PTPRN2: variants seen among roughly 807,000 people sequenced by gnomAD.
PTPRN2 encodes the protein protein tyrosine phosphatase receptor type N2, also known as receptor-type tyrosine-protein phosphatase N2.
PTPRN2 carries 74 observed loss-of-function variants against 118.8 expected under a neutral mutation model. The ratio of observed to expected loss-of-function variants is 0.62; its 90% CI spans 0.52 to 0.76. The LOEUF (loss-of-function observed/expected upper bound fraction) is 0.76. PTPRN2 is among the 30% of genes least tolerant of loss of function. The probability of loss-of-function intolerance (pLI) is 0.00; values close to 1 mark genes in which losing one functional copy is unlikely to be tolerated. For synonymous variants in PTPRN2, 641 were observed against 608.0 expected, an observed-to-expected ratio of 1.05 and a Z score of -0.80; for missense variants, 1,481 against 1,394.4, an observed-to-expected ratio of 1.06 and a Z score of -0.99.
intron 2 of PTPRN2, among the ~76,000 whole-genome samples, chr7:158,474,734 T>C (rs1820121476): frequency 6.6e-6 from 1 of 152,026 alleles, no homozygotes; most frequent in African/African-American, 2.4e-5. Flanking sequence ...AGAGGGACCC[T>C]CTTCCCAAGG....
chr7:158,531,080 A>C (rs1825197196), intron 1 of PTPRN2, among the ~76,000 whole-genome samples: 1 of 152,160 alleles, frequency 6.6e-6, no homozygotes. Flanking sequence ...AAACAAAAAC[A>C]AACCACAACA....
chr7:158,273,104 G>A (rs1266099086), intron 3 of PTPRN2, among the ~76,000 whole-genome samples: 1 of 149,266 alleles, frequency 6.7e-6, no homozygotes, highest in South Asian at 2.1e-4. Context: ...CAGGGCTGTG[G>A]GACGAAGGGG....
rs961531088 is a variant in PTPRN2, at chr7:157,603,225, T to A, written c.2418+777A>T. Among the ~76,000 whole-genome samples, 1 of 148,242 alleles carries A rather than the reference T, an allele frequency of 6.7e-6. No homozygotes were observed. The highest frequency in any genetic ancestry group is 6.7e-5 in the Admixed American group (1 of 14,948). On this transcript the variant is annotated intron_variant, in intron 16 of 22. Coordinates refer to ENST00000389418, the MANE Select transcript of PTPRN2 (RefSeq NM_002847.5). This position sits in a 1 kb window ranked among gnomAD's most constrained non-coding sequence, Gnocchi z 5.4. ...CAGCCTGTGGCTTCAGCCCTCTCCATGCTCATATCTCTCCCTCCTCTGCTC... is the reference window on the plus strand; with the variant it reads ...CAGCCTGTGGCTTCAGCCCTCTCCAAGCTCATATCTCTCCCTCCTCTGCTC...
intron 12 of PTPRN2, among the ~76,000 whole-genome samples, chr7:157,685,411 T>G (rs950576444): frequency 1.3e-5 from 2 of 151,980 alleles, no homozygotes; most frequent in Non-Finnish European, 2.9e-5. Context: ...CCACGGCGTG[T>G]GGCGGACCCG....
intron 11 of PTPRN2, among the ~76,000 whole-genome samples, chr7:157,915,323 G>A (rs1031076139): frequency 2.6e-5 from 4 of 152,180 alleles, no homozygotes; most frequent in Admixed American, 1.3e-4. Flanking sequence ...GCACCTGGGA[G>A]CGTTTGAAGC....
At chr7:158,522,597 CT>C (rs1480905572) in intron 1 of PTPRN2, among the ~76,000 whole-genome samples, 1 of 152,220 alleles carries the variant, frequency 6.6e-6, no homozygotes, top group African/African-American at 2.4e-5. Flanking sequence ...AACCTGGCCC[CT>C]GGTGACCAGA....
At chr7:158,309,330 G>A (rs1801526931) in intron 3 of PTPRN2, among the ~76,000 whole-genome samples, 1 of 152,242 alleles carries the variant, frequency 6.6e-6, no homozygotes, top group Non-Finnish European at 1.5e-5. Flanking sequence ...GAACACAAAA[G>A]TAGTTTAGTC....
At chr7:157,771,382 C>T (rs942980133) in intron 12 of PTPRN2, among the ~76,000 whole-genome samples, 1 of 152,248 alleles carries the variant, frequency 6.6e-6, no homozygotes, top group Admixed American at 6.5e-5. Flanking sequence ...CCCCCCCATT[C>T]CCTGTCTCCA....
Position 157,869,999 on chromosome 7 carries a change from G to A in PTPRN2, c.1788+28674C>T, listed in dbSNP as rs1289702655. ...TCTCGGTAGCCACTGCTGTGGTTGTGCTTGGTCATCAGGATGGTACTGGTA... is the reference window on the plus strand; with the variant it reads ...TCTCGGTAGCCACTGCTGTGGTTGTACTTGGTCATCAGGATGGTACTGGTA... On this transcript the variant is annotated intron_variant, in intron 12 of 22. Transcript: ENST00000389418. This position sits in a 1 kb window ranked among gnomAD's most constrained non-coding sequence, Gnocchi z 4.2. Among the ~76,000 whole-genome samples the A allele has an allele frequency of 6.6e-6, 1 of 152,170 alleles. No homozygotes were observed. The highest frequency in any genetic ancestry group is 1.5e-5 in the Non-Finnish European group (1 of 68,030).
rs185000834 is a variant in PTPRN2, at chr7:157,669,510, C to A, written c.2002-12959G>T. ...AGAGCTCTGCAGGCCCCTCCCCGCT[C>A]CTGACACACGACGACACCCAGTCAG... On this transcript the variant is annotated intron_variant, in intron 13 of 22. Transcript: ENST00000389418. The A allele has an allele frequency of 1.4e-4, 67 of 483,800 alleles. 2 individuals are homozygous for A. The East Asian group carries it at 2.4e-3, about 17-fold the overall frequency. The allele number at this position is 483,800 out of a possible 1,614,324, so 30.0% of individuals were successfully genotyped here. A position where few individuals can be genotyped will look rare whatever the true frequency, so the allele number is the denominator to read the frequency against.
intron 10 of PTPRN2, among the ~76,000 whole-genome samples, chr7:158,088,009 G>T (rs77085954): frequency 4.2e-4 from 33 of 78,376 alleles, no homozygotes; most frequent in South Asian, 6.4e-4. Context: ...CTTCCCCTGA[G>T]GAAAGGGGGA....
chr7:158,171,077 CAT>C (rs72267331), intron 5 of PTPRN2, among the ~76,000 whole-genome samples: 77,906 of 124,086 alleles, frequency 0.63, 27,141 homozygotes, highest in East Asian at 0.81. Context: ...ATTATATACA[CAT>C]ATATATACAC....
At chr7:158,181,243 C>T (rs4276632) in intron 5 of PTPRN2, among the ~76,000 whole-genome samples, 95,184 of 152,048 alleles carry the variant, frequency 0.63, 30,933 homozygotes, top group East Asian at 0.84. Context: ...ATCACATTTA[C>T]TGACTTGCAT....
At chr7:158,092,133 TG>T (rs1696380353) in intron 10 of PTPRN2, among the ~76,000 whole-genome samples, 1 of 150,166 alleles carries the variant, frequency 6.7e-6, no homozygotes, top group Non-Finnish European at 1.5e-5. Context: ...GTTGGGTGAG[TG>T]GGTACATGGA....
intron 2 of PTPRN2, among the ~76,000 whole-genome samples, chr7:158,459,985 C>T (rs1301344264): frequency 3.8e-5 from 2 of 52,382 alleles, no homozygotes; most frequent in Non-Finnish European, 8.3e-5. Context: ...CATCCAGCTG[C>T]AGGATGGGAC....
intron 11 of PTPRN2, among the ~76,000 whole-genome samples, chr7:157,958,338 C>A (rs1367585470): frequency 2.0e-5 from 3 of 152,100 alleles, no homozygotes; most frequent in African/African-American, 4.8e-5. Flanking sequence ...AGACTAGGAA[C>A]AATATGAGGA....
chr7:157,815,679 G>T (rs909969277), intron 12 of PTPRN2, among the ~76,000 whole-genome samples: 1 of 152,202 alleles, frequency 6.6e-6, no homozygotes, highest in Non-Finnish European at 1.5e-5. Flanking sequence ...ACGTGAAGGA[G>T]AGAGCCACCC....
intron 10 of PTPRN2, among the ~76,000 whole-genome samples, chr7:158,098,535 G>A (rs538631593): frequency 2.0e-5 from 3 of 152,192 alleles, no homozygotes; most frequent in East Asian, 1.9e-4. Flanking sequence ...CAGCGAAGGC[G>A]GTGGCCAGGA....
chr7:157,764,680 C>T lies in PTPRN2; in HGVS notation c.1789-81743G>A, dbSNP rs1277318346. Among the ~76,000 whole-genome samples, 1 of 152,084 alleles carries T rather than the reference C, an allele frequency of 6.6e-6. No homozygotes were observed. Among genetic ancestry groups the T allele is most frequent in the Non-Finnish European group, 1.5e-5 (1 of 68,016 alleles). ...ACAGTATTTTGAATGTAAATACTACCACTAAATTGTACATTTAAAGGTTAA... is the reference window on the plus strand; with the variant it reads ...ACAGTATTTTGAATGTAAATACTACTACTAAATTGTACATTTAAAGGTTAA... On this transcript the variant is annotated intron_variant, in intron 12 of 22. Transcript: ENST00000389418. The surrounding 1 kb of genome is among the most constrained non-coding windows in gnomAD (Gnocchi z 4.5).
Sources: allele counts gnomAD v4.1 joint callset (sites outside exome capture counted in the v4.1 genomes callset), GRCh38; gene constraint gnomAD v4.1.1; non-coding constraint Gnocchi (gnomAD v3.1); transcripts MANE v1.5; gene names NCBI Gene and HGNC (gene_info 2026-07-23, HGNC 2026-07-21).